NFATC1: variants seen among roughly 807,000 people sequenced by gnomAD.
The protein encoded by NFATC1 is nuclear factor of activated T-cells, cytoplasmic 1.
A neutral mutation model predicts 76.0 loss-of-function variants in NFATC1; 22 were observed. The observed-to-expected ratio is 0.29, with a 90% CI of 0.21 to 0.41. NFATC1 has a LOEUF of 0.41. Among genes scored for constraint, NFATC1 ranks in the 10% least tolerant of loss-of-function variants. The pLI is 1.00. For synonymous variants in NFATC1, 704 were observed against 613.1 expected (o/e 1.15, Z -2.19); for missense variants, 1,357 against 1,337.7 (o/e 1.01, Z -0.23).
chr18:79,448,752 C>T, intron 3 of NFATC1, 30 bp from the exon 4 acceptor site: 2 of 1,604,150 alleles, frequency 1.2e-6, no homozygotes, highest in Non-Finnish European at 1.7e-6. Flanking sequence ...GCTCTGGGTG[C>T]TGAGCAGGTG....
At chr18:79,522,653 C>T (rs2090644056) in intron 9 of NFATC1, among the ~76,000 whole-genome samples, 1 of 152,118 alleles carries the variant, frequency 6.6e-6, no homozygotes, top group Non-Finnish European at 1.5e-5. Flanking sequence ...CTCAGATACG[C>T]CAAGTTCCGG....
At chr18:79,507,505 A>G (rs2090143749) in intron 9 of NFATC1, among the ~76,000 whole-genome samples, 1 of 152,206 alleles carries the variant, frequency 6.6e-6, no homozygotes, top group South Asian at 2.1e-4. Context: ...GGGCAGCACC[A>G]TGAAGACCTC....
intron 7 of NFATC1, among the ~76,000 whole-genome samples, chr18:79,463,514 C>T (rs552310085): frequency 1.3e-4 from 20 of 152,344 alleles, no homozygotes; most frequent in Admixed American, 8.5e-4. Flanking sequence ...CTCTTCCCCA[C>T]GGCCATTTCC....
In NFATC1 at chr18:79,465,942, G is replaced by T. The variant is rs1367478451; in HGVS notation, c.1960-1508G>T. On this transcript the variant is annotated intron_variant, in intron 7 of 9. Coordinates refer to ENST00000427363, the MANE Select transcript of NFATC1 (RefSeq NM_001278669.2). This position sits in a 1 kb window ranked among gnomAD's most constrained non-coding sequence, Gnocchi z 4.2. ...CGGCGGCAGCTTCAGCTCCCCTGGGGCAGCTCTGATGCGGGGCAAAGGCAG... is the reference window on the plus strand; with the variant it reads ...CGGCGGCAGCTTCAGCTCCCCTGGGTCAGCTCTGATGCGGGGCAAAGGCAG... Among the ~76,000 whole-genome samples, 1 of 152,236 alleles carries T rather than the reference G, an allele frequency of 6.6e-6. No individual in the cohort carries two copies. Among genetic ancestry groups the T allele is most frequent in the Non-Finnish European group, 1.5e-5 (1 of 68,040 alleles).
chr18:79,450,844 T>A, intron 4 of NFATC1, 110 bp from the exon 5 acceptor site: 1 of 1,392,644 alleles, frequency 7.2e-7, no homozygotes, highest in Non-Finnish European at 9.8e-7. Context: ...GCCAGCTGCC[T>A]GGCACGAGCT....
At chr18:79,484,211 T>C (rs1224523246) in intron 8 of NFATC1, among the ~76,000 whole-genome samples, 1 of 152,076 alleles carries the variant, frequency 6.6e-6, no homozygotes, top group Non-Finnish European at 1.5e-5. Context: ...CAGCTTGGGC[T>C]GCACTCCCCG....
chr18:79,463,432 T>C (rs2088232706), intron 7 of NFATC1, among the ~76,000 whole-genome samples: 1 of 151,662 alleles, frequency 6.6e-6, no homozygotes, highest in South Asian at 2.1e-4. Flanking sequence ...CGGCCTCTCC[T>C]CCCCGCAGCC....
In NFATC1 at chr18:79,486,491, G is replaced by T. The variant is rs1417775660; in HGVS notation, c.2336G>T (p.Gly779Val). Residue 779 changes from glycine (G) to valine (V), a missense_variant, in exon 9 of 10, where the codon GGC becomes GTC. Around this residue, in one of 3 missense-constraint regions of NFATC1, gnomAD observed 424 missense variants for 395.4 expected, o/e 1.07. Coordinates refer to ENST00000427363, the MANE Select transcript of NFATC1 (RefSeq NM_001278669.2). ...CTTTCTCCCGCTGCCTACACCAAGG[G>T]CGTTGCCAGCCCGGGCCACTGTCAC... ...HDLSPAAYTK[G>V]VASPGHCHLG... 6.2e-6 allele frequency: 10 copies of T among 1,606,142 alleles called. No homozygotes were observed. Among genetic ancestry groups the T allele is most frequent in the African/African-American group, 4.0e-5 (3 of 74,914 alleles).
At chr18:79,522,396 G>T (rs11663136) in intron 9 of NFATC1, among the ~76,000 whole-genome samples, 3,803 of 75,510 alleles carry the variant, frequency 0.05, 151 homozygotes, top group Admixed American at 0.084. Context: ...GTGCGTCCAC[G>T]GATTGTGTCT....
At chr18:79,523,318 T>C (rs1340224846) in intron 9 of NFATC1, among the ~76,000 whole-genome samples, 1 of 152,260 alleles carries the variant, frequency 6.6e-6, no homozygotes, top group African/African-American at 2.4e-5. Context: ...AGCTCCGTTC[T>C]GGCCCTCATC....
chr18:79,415,080 G>A (rs558171950), intron 2 of NFATC1, among the ~76,000 whole-genome samples: 31 of 152,270 alleles, frequency 2.0e-4, no homozygotes, highest in African/African-American at 7.5e-4. Flanking sequence ...GTCTGTCTGT[G>A]CCGACATCTG....
At chr18:79,521,252 C>T (rs1378634142) in intron 9 of NFATC1, among the ~76,000 whole-genome samples, 2 of 43,986 alleles carry the variant, frequency 4.5e-5, no homozygotes, top group Non-Finnish European at 7.9e-5. Context: ...GATGTGTGTC[C>T]ATGTGTGTGT....
At chr18:79,417,101 A>G (rs2085902871) in intron 2 of NFATC1, among the ~76,000 whole-genome samples, 1 of 151,574 alleles carries the variant, frequency 6.6e-6, no homozygotes. Flanking sequence ...GTGGTGGGAG[A>G]TGGGAGATGG....
chr18:79,425,868 TAACA>T (rs2086310193), intron 2 of NFATC1, among the ~76,000 whole-genome samples: 1 of 152,162 alleles, frequency 6.6e-6, no homozygotes, highest in African/African-American at 2.4e-5. Context: ...GTTGTACAAA[TAACA>T]AACACCGTTC....
At chr18:79,521,943 T>TTG (rs1234846151) in intron 9 of NFATC1, among the ~76,000 whole-genome samples, 1 of 109,444 alleles carries the variant, frequency 9.1e-6, no homozygotes, top group East Asian at 3.2e-4. Flanking sequence ...TGTGTGTGTT[T>TTG]TGTGTGTGGG....
intron 3 of NFATC1, among the ~76,000 whole-genome samples, chr18:79,443,059 T>C (rs2087045729): frequency 6.6e-6 from 1 of 152,224 alleles, no homozygotes; most frequent in Non-Finnish European, 1.5e-5. Context: ...ACTGAGCCTG[T>C]GGCTGAGTGC....
intron 8 of NFATC1, among the ~76,000 whole-genome samples, chr18:79,471,118 G>C (rs936792317): frequency 9.2e-5 from 14 of 152,216 alleles, no homozygotes; most frequent in African/African-American, 3.4e-4. Context: ...CGGCTTGTCT[G>C]TCACTGTTTT....
intron 3 of NFATC1, among the ~76,000 whole-genome samples, chr18:79,445,057 C>T (rs2087148610): frequency 6.6e-6 from 1 of 152,260 alleles, no homozygotes; most frequent in Non-Finnish European, 1.5e-5. Flanking sequence ...GTGTCCTGGT[C>T]CTCCACCCGT....
At chr18:79,399,538 A>C (rs562462081) in intron 1 of NFATC1, among the ~76,000 whole-genome samples, 3 of 152,240 alleles carry the variant, frequency 2.0e-5, no homozygotes, top group African/African-American at 2.4e-5. Flanking sequence ...AGGCAGGCCC[A>C]GGGCGGCCTC....
Sources: gnomAD v4.1 joint callset for allele counts (sites outside exome capture counted in the v4.1 genomes callset) on GRCh38, gnomAD v4.1.1 for gene constraint, gnomAD v4.1.1 regional missense constraint, Gnocchi (gnomAD v3.1) non-coding constraint, MANE v1.5 for transcripts, NCBI Gene and HGNC (gene_info 2026-07-23, HGNC 2026-07-21) for gene names.